ZNF316: variants seen among roughly 807,000 people sequenced by gnomAD.
ZNF316 encodes zinc finger protein 316.
A neutral mutation model predicts 75.6 loss-of-function variants in ZNF316; 23 were observed. The ratio of observed to expected loss-of-function variants is 0.30; its 90% CI spans 0.22 to 0.43. The LOEUF is 0.43. ZNF316 is among the 20% of genes least tolerant of loss of function. The pLI, the probability that ZNF316 is intolerant of heterozygous loss-of-function variation, is 1.00. For missense variants in ZNF316, 1,266 were observed against 1,409.4 expected, an observed-to-expected ratio of 0.90 and a Z score of 1.63; for synonymous variants, 827 against 666.2, an observed-to-expected ratio of 1.24 and a Z score of -3.72.
rs1384764290 is a variant in ZNF316, at chr7:6,644,555, G to A, written c.668G>A (p.Arg223Gln). 1.7e-5 allele frequency: 21 copies of A among 1,232,376 alleles called. No homozygotes were observed. Among genetic ancestry groups the A allele is most frequent in the South Asian group, 4.1e-5 (1 of 24,324 alleles). 76.3% of individuals were successfully genotyped at this position (1,232,376 alleles called of 1,614,324 possible). The part of the protein sequence containing the change: ...GEEPWVPDSP[R>Q]PEEGDIVTGV... ...GAACCTTGGGTCCCAGATAGTCCCC[G>A]ACCTGAGGAAGGAGACATCGTCACT... The change falls in exon 8 of 9, where the codon CGA becomes CAA. Residue 223 changes from arginine (R) to glutamine (Q), a missense_variant. Transcript: ENST00000382252.
chr7:6,639,085 T>C lies in ZNF316; in HGVS notation c.-223T>C, dbSNP rs1451567331. ...CTCTGGTCATCCGTGGGTGGACTTC[T>C]TGGGAGAAAGAACTCAGTGTCGTCT... On this transcript the variant is annotated 5_prime_UTR_variant, in exon 3 of 9. Transcript: ENST00000382252. The surrounding 1 kb of genome is among the most constrained non-coding windows in gnomAD (Gnocchi z 4.2). 2 of 152,272 alleles carry C rather than the reference T, an allele frequency of 1.3e-5. No homozygotes were observed. Among genetic ancestry groups the C allele is most frequent in the African/African-American group, 4.8e-5 (2 of 41,440 alleles). 9.4% of individuals were successfully genotyped at this position (152,272 alleles called of 1,614,324 possible). A position where few individuals can be genotyped will look rare whatever the true frequency, so the allele number is the denominator to read the frequency against.
Position 6,643,090 on chromosome 7 carries a change from G to T in ZNF316, c.465+17G>T, listed in dbSNP as rs570999026. ...GGGTGTCAGGTGAGCCGCCCTCTCC[G>T]TTTGGGGCTTGGGTAACCTGGGCAG... On this transcript the variant is annotated intron_variant, in intron 6 of 8. Transcript: ENST00000382252. 54 of 1,233,524 alleles carry T rather than the reference G, an allele frequency of 4.4e-5. No individual in the cohort carries two copies. Among genetic ancestry groups the T allele is most frequent in the Non-Finnish European group, 5.2e-5 (51 of 988,870 alleles). The allele number at this position is 1,233,524 out of a possible 1,614,324, so 76.4% of individuals were successfully genotyped here.
chr7:6,641,606 C>T (rs1779313239), intron 3 of ZNF316, among the ~76,000 whole-genome samples: 1 of 152,238 alleles, frequency 6.6e-6, no homozygotes, highest in Non-Finnish European at 1.5e-5. Flanking sequence ...TTACTGATGT[C>T]AGTGAGAGAG....
Position 6,640,134 on chromosome 7 carries a change from C to T in ZNF316, c.-167+993C>T, listed in dbSNP as rs1583438809. Among the ~76,000 whole-genome samples the T allele has an allele frequency of 6.6e-6, 1 of 152,196 alleles. No homozygotes were observed. Among genetic ancestry groups the T allele is most frequent in the Non-Finnish European group, 1.5e-5 (1 of 68,046 alleles). On this transcript the variant is annotated intron_variant, in intron 3 of 8. Coordinates refer to ENST00000382252, the MANE Select transcript of ZNF316 (RefSeq NM_001278559.2). The surrounding 1 kb of genome is among the most constrained non-coding windows in gnomAD (Gnocchi z 5.1). ...AGCCTGTGTGAATGCTCAGAGCTTC[C>T]TGGCTATTAAAGTGTGGATTTTAAA...
chr7:6,653,396 C>G lies in ZNF316; in HGVS notation c.1800C>G (p.Phe600Leu). 4.1e-6 allele frequency: 5 copies of G among 1,227,260 alleles called. No individual in the cohort carries two copies. Among genetic ancestry groups the G allele is most frequent in the Non-Finnish European group, 5.1e-6 (5 of 985,522 alleles). The allele number at this position is 1,227,260 out of a possible 1,614,324, so 76.0% of individuals were successfully genotyped here. ...GPSSHPLGFH[F>L]PVHPKSWLHP... The stretch of plus-strand genomic sequence containing the variant: ...CCTCCCACCCGCTGGGCTTCCACTT[C>G]CCCGTGCACCCCAAGTCCTGGCTGC... The change falls in exon 9 of 9, where the codon TTC becomes TTG. Residue 600 changes from phenylalanine to leucine, a missense_variant. Phe to Leu is a conservative substitution (Grantham distance 22). Coordinates refer to ENST00000382252, the MANE Select transcript of ZNF316 (RefSeq NM_001278559.2).
intron 8 of ZNF316, among the ~76,000 whole-genome samples, chr7:6,651,649 G>C (rs1054159073): frequency 1.4e-4 from 21 of 152,124 alleles, no homozygotes; most frequent in African/African-American, 4.1e-4. Context: ...CATAATCGCA[G>C]CTACTTGGGA....
rs1053672966 is a variant in ZNF316, at chr7:6,642,629, G to C, written c.220G>C (p.Glu74Gln). 6.5e-6 allele frequency: 8 copies of C among 1,233,542 alleles called. No homozygotes were observed. The South Asian group carries it at 2.0e-4, about 31-fold the overall frequency. 76.4% of individuals were successfully genotyped at this position (1,233,542 alleles called of 1,614,324 possible). ...VQDAQVEAVA[E>Q]VEVEADVEEE... is the part of the protein sequence containing the mutation. ...GGATGCGCAGGTGGAGGCGGTGGCC[G>C]AGGTGGAGGTGGAGGCGGACGTGGA... The change falls in exon 5 of 9, where the codon GAG (glutamate) becomes CAG (glutamine). Residue 74 changes from glutamate (E) to glutamine (Q), a missense_variant. Physicochemically the swap from Glu to Gln is conservative, Grantham distance 29 (BLOSUM62 2). Around this residue, in one of 3 missense-constraint regions of ZNF316, gnomAD observed 961 missense variants for 990.9 expected, o/e 0.97. Transcript: ENST00000382252. This position sits in a 1 kb window ranked among gnomAD's most constrained non-coding sequence, Gnocchi z 8.1.
rs768842750 is a variant in ZNF316 at position 6,655,672 on chromosome 7, C to T, written c.*1061C>T. 2.0e-5 allele frequency: 3 copies of T among 152,262 alleles called. No homozygotes were observed. Among genetic ancestry groups the T allele is most frequent in the Non-Finnish European group, 4.4e-5 (3 of 68,054 alleles). The allele number at this position is 152,262 out of a possible 1,614,324, so 9.4% of individuals were successfully genotyped here. On this transcript the variant is annotated 3_prime_UTR_variant, in exon 9 of 9. Transcript: ENST00000382252. Reference sequence around the variant, plus strand: ...AGGACACTCGCAGGTCCCTTTAACTCTGCTTCTGTCATTACACTAGAACAA... The same window carrying T: ...AGGACACTCGCAGGTCCCTTTAACTTTGCTTCTGTCATTACACTAGAACAA...
Position 6,639,877 on chromosome 7 carries a change from G to A in ZNF316, c.-167+736G>A, listed in dbSNP as rs939751063. Reference sequence around the variant, plus strand: ...GCATAACACGCAGCACGTGGATTTCGACACTTTGGGCATCTTCACACGCCA... The same window carrying A: ...GCATAACACGCAGCACGTGGATTTCAACACTTTGGGCATCTTCACACGCCA... On this transcript the variant is annotated intron_variant, in intron 3 of 8. Transcript: ENST00000382252. The surrounding 1 kb of genome is among the most constrained non-coding windows in gnomAD (Gnocchi z 4.2). Among the ~76,000 whole-genome samples the A allele has an allele frequency of 1.3e-5, 2 of 152,160 alleles. No homozygotes were observed. Among genetic ancestry groups the A allele is most frequent in the African/African-American group, 2.4e-5 (1 of 41,430 alleles).
chr7:6,652,260 G>C, intron 8 of ZNF316, 43 bp from the exon 9 acceptor site: 2 of 1,232,184 alleles, frequency 1.6e-6, no homozygotes, highest in Non-Finnish European at 2.0e-6. Flanking sequence ...CTCCTGTCAA[G>C]TTCACTTACC....
chr7:6,651,437 C>T (rs1779505657), intron 8 of ZNF316, among the ~76,000 whole-genome samples: 1 of 152,108 alleles, frequency 6.6e-6, no homozygotes, highest in South Asian at 2.1e-4. Context: ...GGCAGATCAC[C>T]TGAGGTCAGG....
intron 8 of ZNF316, among the ~76,000 whole-genome samples, chr7:6,647,355 G>A (rs1779424482): frequency 6.6e-6 from 1 of 152,258 alleles, no homozygotes; most frequent in Non-Finnish European, 1.5e-5. Flanking sequence ...GCACCAATGT[G>A]TGGGGCCAGT....
chr7:6,656,959 C>G lies in ZNF316; in HGVS notation c.*2348C>G, dbSNP rs999942946. Among the ~76,000 whole-genome samples the G allele has an allele frequency of 6.6e-6, 1 of 152,138 alleles. No homozygotes were observed. The highest frequency in any genetic ancestry group is 2.4e-5 in the African/African-American group (1 of 41,430). On this transcript the variant is annotated 3_prime_UTR_variant, in exon 9 of 9. Transcript: ENST00000382252. The stretch of plus-strand genomic sequence containing the variant: ...ACTCTCCTGTCCTTTCTTTGTGGGT[C>G]TGAAAAATAAGAACTGCTGTAATCA...
chr7:6,645,763 A>G (rs1028354875), intron 8 of ZNF316, among the ~76,000 whole-genome samples: 2 of 151,782 alleles, frequency 1.3e-5, no homozygotes, highest in African/African-American at 4.8e-5. Flanking sequence ...TGGGAGGCCA[A>G]GGTGGACAGA....
rs551387630 is a variant in ZNF316 at position 6,656,782 on chromosome 7, C to T, written c.*2171C>T. Among the ~76,000 whole-genome samples the T allele has an allele frequency of 1.3e-4, 20 of 152,312 alleles. No individual in the cohort carries two copies. Among genetic ancestry groups the T allele is most frequent in the African/African-American group, 4.8e-4 (20 of 41,578 alleles). On this transcript the variant is annotated 3_prime_UTR_variant, in exon 9 of 9. Transcript: ENST00000382252. ...GGTCCAAACACATCCCCAGCCCTTTCTTCAGAGGCCCCAGCACCATGTGGC... is the reference window on the plus strand; with the variant it reads ...GGTCCAAACACATCCCCAGCCCTTTTTTCAGAGGCCCCAGCACCATGTGGC...
In ZNF316 at chr7:6,655,851, C is replaced by T. The variant is rs1197373015; in HGVS notation, c.*1240C>T. 3 of 152,322 alleles carry T rather than the reference C, an allele frequency of 2.0e-5. No individual in the cohort carries two copies. The highest frequency in any genetic ancestry group is 4.4e-5 in the Non-Finnish European group (3 of 68,116). 9.4% of individuals were successfully genotyped at this position (152,322 alleles called of 1,614,324 possible). A position where few individuals can be genotyped will look rare whatever the true frequency, so the allele number is the denominator to read the frequency against. On this transcript the variant is annotated 3_prime_UTR_variant, in exon 9 of 9. Transcript: ENST00000382252. ...GCACCCAACTATGCAAGGCCCCTGC[C>T]TGGTGGGCATCCTACCCTCTGGACT...
chr7:6,651,763 C>T (rs1016261298), intron 8 of ZNF316, among the ~76,000 whole-genome samples: 1 of 152,104 alleles, frequency 6.6e-6, no homozygotes, highest in Non-Finnish European at 1.5e-5. Context: ...ACTCTTGTCT[C>T]AAAACAAAAA....
rs1203597181 is a variant in ZNF316 at position 6,652,716 on chromosome 7, G to C, written c.1120G>C (p.Gly374Arg). Residue 374 changes from glycine (G) to arginine (R), a missense_variant, in exon 9 of 9, where the codon GGC (glycine) becomes CGC (arginine). Transcript: ENST00000382252. ...CTACCACGCGGCCGTCAAGCCCTTC[G>C]GCTGCGAGGAGTGCGGCAAGGGCTT... ...QRYHAAVKPF[G>R]CEECGKGFVY... is the part of the protein sequence containing the mutation. The C allele has an allele frequency of 4.0e-6, 5 of 1,240,000 alleles. No individual in the cohort carries two copies. Among genetic ancestry groups the C allele is most frequent in the Non-Finnish European group, 5.0e-6 (5 of 991,620 alleles). 76.8% of individuals were successfully genotyped at this position (1,240,000 alleles called of 1,614,324 possible).
In ZNF316 at chr7:6,642,165, G is replaced by T. The variant is rs1779321434; in HGVS notation, c.-29+203G>T. On this transcript the variant is annotated intron_variant, in intron 4 of 8. Coordinates refer to ENST00000382252, the MANE Select transcript of ZNF316 (RefSeq NM_001278559.2). This position sits in a 1 kb window ranked among gnomAD's most constrained non-coding sequence, Gnocchi z 8.1. Reference sequence around the variant, plus strand: ...CTGGCATCCCAGGGGTCACGCGGAGGGGCCATTGGGGCAGCCTTTCTGGGT... The same window carrying T: ...CTGGCATCCCAGGGGTCACGCGGAGTGGCCATTGGGGCAGCCTTTCTGGGT... 7.9e-6 allele frequency: 3 copies of T among 380,400 alleles called. No homozygotes were observed. Among genetic ancestry groups the T allele is most frequent in the Non-Finnish European group, 1.4e-5 (3 of 214,562 alleles). The allele number at this position is 380,400 out of a possible 1,614,324, so 23.6% of individuals were successfully genotyped here.
Sources: gnomAD v4.1 joint callset for allele counts (sites outside exome capture counted in the v4.1 genomes callset) on GRCh38, gnomAD v4.1.1 for gene constraint, gnomAD v4.1.1 regional missense constraint, Gnocchi (gnomAD v3.1) non-coding constraint, MANE v1.5 for transcripts, NCBI Gene and HGNC (gene_info 2026-07-23, HGNC 2026-07-21) for gene names.